RBFOX1: variants seen among roughly 807,000 people sequenced by gnomAD.
RBFOX1 encodes the protein RNA binding protein fox-1 homolog 1.
In RBFOX1, 8 loss-of-function variants were observed where a neutral mutation model predicts 57.7. The observed-to-expected ratio is 0.14, with a 90% CI of 0.08 to 0.25. The LOEUF is 0.25. RBFOX1 is among the 10% of genes least tolerant of loss of function. The pLI, the probability that RBFOX1 is intolerant of heterozygous loss-of-function variation, is 1.00. For missense variants in RBFOX1, 611 were observed against 548.5 expected (o/e 1.11, Z -1.14); for synonymous variants, 326 against 222.4 (o/e 1.47, Z -4.15).
intron 4 of RBFOX1, among the ~76,000 whole-genome samples, chr16:7,343,119 C>G (rs549620970): frequency 6.6e-6 from 1 of 152,078 alleles, no homozygotes; most frequent in African/African-American, 2.4e-5. Flanking sequence ...CACCCACACC[C>G]CTGTTCCATG....
At chr16:7,403,601 C>T (rs905762064) in intron 4 of RBFOX1, among the ~76,000 whole-genome samples, 8 of 132,774 alleles carry the variant, frequency 6.0e-5, no homozygotes, top group Admixed American at 1.6e-4. Context: ...GTCTGGAGTG[C>T]AATGGCACAA....
intron 2 of RBFOX1, among the ~76,000 whole-genome samples, chr16:6,500,819 T>G (rs1374937133): frequency 1.3e-5 from 2 of 151,902 alleles, no homozygotes; most frequent in Non-Finnish European, 2.9e-5. Flanking sequence ...TCATCGTGTT[T>G]TAAAGTTGAC....
intron 4 of RBFOX1, among the ~76,000 whole-genome samples, chr16:7,106,984 A>ACACACACACACACACACAC (rs1567282011): frequency 3.0e-4 from 45 of 148,632 alleles, no homozygotes; most frequent in African/African-American, 8.4e-4. Flanking sequence ...ACACAGTTAA[A>ACACACACACACACACACAC]ACACACACAC....
intron 2 of RBFOX1, among the ~76,000 whole-genome samples, chr16:6,417,352 G>A (rs1304987867): frequency 3.3e-5 from 5 of 149,698 alleles, no homozygotes; most frequent in Non-Finnish European, 5.9e-5. Context: ...CCTCTCTACT[G>A]ATTCTATGTT....
At chr16:6,306,050 C>A (rs556701544) in intron 1 of RBFOX1, among the ~76,000 whole-genome samples, 1 of 152,078 alleles carries the variant, frequency 6.6e-6, no homozygotes, top group African/African-American at 2.4e-5. Context: ...ATATTTAAAG[C>A]GCGTTGGTTT....
chr16:7,586,693 T>G (rs1218777549), intron 6 of RBFOX1, among the ~76,000 whole-genome samples: 1 of 152,234 alleles, frequency 6.6e-6, no homozygotes, highest in African/African-American at 2.4e-5. Context: ...TGAGAGAATT[T>G]CAGCCCAAGC....
rs189528026 is a variant in RBFOX1 at position 6,840,248 on chromosome 16, T to G, written c.-16+185598T>G. Among the ~76,000 whole-genome samples, 13 of 152,306 alleles carry G rather than the reference T, an allele frequency of 8.5e-5. No individual in the cohort carries two copies. In the East Asian group the frequency reaches 2.5e-3, roughly 29 times the overall value. ...TTCTTTCTTTAAAGCTTTGTCCATCTTTTAGTCACACGGAACACACTGAAA... is the reference window on the plus strand; with the variant it reads ...TTCTTTCTTTAAAGCTTTGTCCATCGTTTAGTCACACGGAACACACTGAAA... On this transcript the variant is annotated intron_variant, in intron 3 of 15. Coordinates refer to ENST00000550418, the MANE Select transcript of RBFOX1 (RefSeq NM_018723.4).
intron 4 of RBFOX1, among the ~76,000 whole-genome samples, chr16:5,942,061 A>G (rs1016034902): frequency 2.0e-5 from 3 of 152,096 alleles, no homozygotes; most frequent in Admixed American, 1.3e-4. Flanking sequence ...GGCTTATTCA[A>G]TTATCCTAGA....
chr16:6,302,693 A>G (rs1193171707), intron 1 of RBFOX1, among the ~76,000 whole-genome samples: 2 of 152,174 alleles, frequency 1.3e-5, no homozygotes, highest in African/African-American at 4.8e-5. Context: ...GAACATTTTT[A>G]AAACAAGAAG....
At chr16:6,557,943 C>G (rs928018896) in intron 2 of RBFOX1, among the ~76,000 whole-genome samples, 13 of 152,284 alleles carry the variant, frequency 8.5e-5, no homozygotes, top group South Asian at 2.1e-4. Flanking sequence ...CCCAACTCAT[C>G]TTAATTAAAT....
At chr16:6,060,224 G>A (rs1299126803) in intron 1 of RBFOX1, among the ~76,000 whole-genome samples, 2 of 141,532 alleles carry the variant, frequency 1.4e-5, no homozygotes, top group African/African-American at 2.7e-5. Flanking sequence ...TTGCTACAAC[G>A]TACTGAGTTT....
intron 4 of RBFOX1, among the ~76,000 whole-genome samples, chr16:5,913,306 T>C (rs1318002925): frequency 1.3e-5 from 2 of 152,178 alleles, no homozygotes; most frequent in Non-Finnish European, 2.9e-5. Flanking sequence ...GGGGTTGATA[T>C]GATTTGAATA....
chr16:6,239,608 C>T (rs1281091969), intron 1 of RBFOX1, among the ~76,000 whole-genome samples: 1 of 148,552 alleles, frequency 6.7e-6, no homozygotes, highest in African/African-American at 2.5e-5. Flanking sequence ...AGCAGTTCTC[C>T]TGCCTCAGCC....
intron 6 of RBFOX1, among the ~76,000 whole-genome samples, chr16:7,580,457 C>T (rs764424573): frequency 6.6e-6 from 1 of 152,154 alleles, no homozygotes; most frequent in South Asian, 2.1e-4. Flanking sequence ...ACCACCGACA[C>T]CAAATGAGCT....
At chr16:6,086,993 G>A (rs1451304124) in intron 1 of RBFOX1, among the ~76,000 whole-genome samples, 1 of 152,178 alleles carries the variant, frequency 6.6e-6, no homozygotes, top group African/African-American at 2.4e-5. Context: ...CATCACTCAA[G>A]AGGAACCCTT....
At chr16:5,821,790 C>T (rs1567586756) in intron 3 of RBFOX1, among the ~76,000 whole-genome samples, 1 of 152,178 alleles carries the variant, frequency 6.6e-6, no homozygotes, top group Non-Finnish European at 1.5e-5. Context: ...GGGCTGCCCT[C>T]TTAGCATCCA....
chr16:7,676,799 C>T lies in RBFOX1; in HGVS notation c.956C>T (p.Ala319Val). 1 of 1,613,286 alleles carries T rather than the reference C, an allele frequency of 6.2e-7. No homozygotes were observed. Among genetic ancestry groups the T allele is most frequent in the Non-Finnish European group, 8.5e-7 (1 of 1,179,456 alleles). The change falls in exon 14 of 16, where the codon GCC (alanine) becomes GTC (valine). Residue 319 changes from alanine to valine, a missense_variant. Physicochemically the swap from Ala to Val is moderately conservative, Grantham distance 64 (BLOSUM62 0). Coordinates refer to ENST00000550418, the MANE Select transcript of RBFOX1 (RefSeq NM_018723.4). ...IYGGYAAYRY[A>V]QPTPATAAAY... Reference sequence around the variant, plus strand: ...GGTGGTTATGCTGCATACCGCTACGCCCAGCCTACCCCTGCCACTGCCGCT... The same window carrying T: ...GGTGGTTATGCTGCATACCGCTACGTCCAGCCTACCCCTGCCACTGCCGCT...
At chr16:7,178,804 C>T (rs185282536) in intron 4 of RBFOX1, among the ~76,000 whole-genome samples, 95 of 152,288 alleles carry the variant, frequency 6.2e-4, no homozygotes, top group African/African-American at 1.4e-3. Flanking sequence ...GGTGAGACAT[C>T]GGGTTTCACA....
intron 3 of RBFOX1, among the ~76,000 whole-genome samples, chr16:6,864,625 A>G (rs965629781): frequency 6.6e-6 from 1 of 151,834 alleles, no homozygotes; most frequent in Non-Finnish European, 1.5e-5. Flanking sequence ...TTGAGAATCA[A>G]GGATCTGATT....
Sources: gnomAD v4.1 joint callset for allele counts (sites outside exome capture counted in the v4.1 genomes callset) on GRCh38, gnomAD v4.1.1 for gene constraint, MANE v1.5 for transcripts, NCBI Gene and HGNC (gene_info 2026-07-23, HGNC 2026-07-21) for gene names.